SYN1: variants seen among roughly 807,000 people sequenced by gnomAD.
The protein encoded by SYN1 is synapsin I, also known as synapsin-1.
A neutral mutation model predicts 44.6 loss-of-function variants in SYN1; 8 were observed. The observed-to-expected ratio is 0.18, with a 90% CI of 0.11 to 0.32. The LOEUF is 0.32. Ranked by LOEUF, SYN1 falls within the 10% of genes least tolerant of loss-of-function variation. The pLI is 1.00. For missense variants in SYN1, 451 were observed against 639.4 expected (o/e 0.71, Z 3.18); for synonymous variants, 275 against 280.1 (o/e 0.98, Z 0.18).
chrX:47,588,024 C>T (rs2057833460), intron 5 of SYN1, among the ~76,000 whole-genome samples: 1 of 112,297 alleles, frequency 8.9e-6, no homozygotes, highest in South Asian at 3.7e-4. Flanking sequence ...CCTGGATCTT[C>T]TGTGGTCCTG....
At chrX:47,580,253 G>A (rs1237661906) in intron 5 of SYN1, among the ~76,000 whole-genome samples, 6 of 105,200 alleles carry the variant, frequency 5.7e-5, no homozygotes, top group African/African-American at 1.7e-4. Context: ...GAACTCCTGA[G>A]CTCAAGCGAT....
rs886476190 is a variant in SYN1 at position 47,606,828 on chromosome X, C to T, written c.527+117G>A. The T allele has an allele frequency of 2.4e-5, 18 of 738,452 alleles. No individual in the cohort carries two copies. In the African/African-American group the frequency reaches 2.6e-4, roughly 11 times the overall value. 60.9% of individuals were successfully genotyped at this position (738,452 alleles called of 1,213,427 possible). A position where few individuals can be genotyped will look rare whatever the true frequency, so the allele number is the denominator to read the frequency against. ...TGAAGAAAAGTTGTCTCCCCACATT[C>T]CATGCCTAAGTTCTTGCCCACAGAA... On this transcript the variant is annotated intron_variant, in intron 3 of 12. Coordinates refer to ENST00000295987, the MANE Select transcript of SYN1 (RefSeq NM_006950.3).
chrX:47,574,255 C>T lies in SYN1; in HGVS notation c.1729G>A (p.Ala577Thr). The T allele has an allele frequency of 9.1e-7, 1 of 1,103,898 alleles. No individual in the cohort carries two copies. Among genetic ancestry groups the T allele is most frequent in the South Asian group, 2.1e-5 (1 of 47,068 alleles). 91.0% of individuals were successfully genotyped at this position (1,103,898 alleles called of 1,213,427 possible). ...TSVSGPAPPK[A>T]SGAPPGGQQR... is the part of the protein sequence containing the mutation. ...TGCCCGCCCGGTGGGGCCCCAGAGGCCTTTGGCGGAGCCGGGCCAGAGACG... is the reference window on the plus strand; with the variant it reads ...TGCCCGCCCGGTGGGGCCCCAGAGGTCTTTGGCGGAGCCGGGCCAGAGACG... The change falls in exon 12 of 13, where the codon GCC becomes ACC. Residue 577 changes from alanine to threonine, a missense_variant. Physicochemically the swap from Ala to Thr is moderately conservative, Grantham distance 58. Coordinates refer to ENST00000295987, the MANE Select transcript of SYN1 (RefSeq NM_006950.3).
chrX:47,591,407 C>A (rs892129688), intron 5 of SYN1, among the ~76,000 whole-genome samples: 1 of 111,949 alleles, frequency 8.9e-6, no homozygotes, highest in Admixed American at 9.5e-5. Flanking sequence ...GAGTTCTGAA[C>A]CTGCAGGACA....
intron 5 of SYN1, among the ~76,000 whole-genome samples, chrX:47,602,414 C>T (rs1341657298): frequency 8.9e-6 from 1 of 111,932 alleles, no homozygotes; most frequent in Non-Finnish European, 1.9e-5. Flanking sequence ...AATCCCAGCA[C>T]TTTGGGAGGC....
At position 47,585,086 on chromosome X, in the gene SYN1, G is replaced by A. The variant is rs925372182; in HGVS notation, c.775-7585C>T. ...CTCCTGGTCAAAACAGAAACTTCTG[G>A]CCACTGGTTGGTGCGAGAAAGTTGG... On this transcript the variant is annotated intron_variant, in intron 5 of 12. Transcript: ENST00000295987. The A allele has an allele frequency of 8.5e-6, 10 of 1,174,428 alleles. No homozygotes were observed. In the African/African-American group the frequency reaches 1.6e-4, roughly 19 times the overall value.
Position 47,583,635 on chromosome X carries a change from G to A in SYN1, c.775-6134C>T, listed in dbSNP as rs763663902. Reference sequence around the variant, plus strand: ...ACTTACCTCTAGAATGATTCCACTCGCCCCTGCACTTCCTCTGCTTTAGCC... The same window carrying A: ...ACTTACCTCTAGAATGATTCCACTCACCCCTGCACTTCCTCTGCTTTAGCC... On this transcript the variant is annotated intron_variant, in intron 5 of 12. Coordinates refer to ENST00000295987, the MANE Select transcript of SYN1 (RefSeq NM_006950.3). 4.2e-4 allele frequency: 398 copies of A among 954,758 alleles called. 1 individual carries two copies. The highest frequency in any genetic ancestry group is 1.8e-3 in the Admixed American group (57 of 31,156). The allele number at this position is 954,758 out of a possible 1,213,427, so 78.7% of individuals were successfully genotyped here.
intron 5 of SYN1, chrX:47,583,557 G>T: frequency 8.5e-7 from 1 of 1,169,959 alleles, no homozygotes. Context: ...ACCCCACTCA[G>T]CCCACACACT....
intron 5 of SYN1, chrX:47,586,748 A>G: frequency 8.6e-7 from 1 of 1,157,483 alleles, no homozygotes; most frequent in Non-Finnish European, 1.2e-6. Flanking sequence ...TCCCACTCCC[A>G]TCTTTCTTCC....
chrX:47,603,237 C>A (rs1357221174), intron 5 of SYN1, among the ~76,000 whole-genome samples: 1 of 110,996 alleles, frequency 9.0e-6, no homozygotes, highest in Non-Finnish European at 1.9e-5. Context: ...CACTCTGTTG[C>A]CCAGGTTGGG....
chrX:47,591,284 C>T (rs1044937500), intron 5 of SYN1, among the ~76,000 whole-genome samples: 1 of 112,629 alleles, frequency 8.9e-6, no homozygotes, highest in Non-Finnish European at 1.9e-5. Flanking sequence ...AGTTACAAAA[C>T]AGCCAGGAGG....
intron 5 of SYN1, among the ~76,000 whole-genome samples, chrX:47,592,602 A>G (rs772775451): frequency 3.6e-5 from 4 of 111,239 alleles, no homozygotes; most frequent in Non-Finnish European, 7.5e-5. Flanking sequence ...GAGAAGGTGA[A>G]CTGCCATTTT....
At chrX:47,585,756 T>C (rs1307524509) in intron 5 of SYN1, 1 of 1,175,671 alleles carries the variant, frequency 8.5e-7, no homozygotes, top group Admixed American at 2.5e-5. Flanking sequence ...CCTCTGGCTA[T>C]TCTGTGTCCC....
At chrX:47,580,932 C>CAA (rs34026683) in intron 5 of SYN1, among the ~76,000 whole-genome samples, 175 of 95,706 alleles carry the variant, frequency 1.8e-3, no homozygotes, top group East Asian at 4.4e-3. Flanking sequence ...AGACTCTTGT[C>CAA]AAAAAAAAAA....
chrX:47,615,180 A>C (rs777654521), intron 1 of SYN1, among the ~76,000 whole-genome samples: 1 of 112,207 alleles, frequency 8.9e-6, no homozygotes, highest in Admixed American at 9.4e-5. Flanking sequence ...CAAATATGAG[A>C]ATATAGAATG....
intron 5 of SYN1, among the ~76,000 whole-genome samples, chrX:47,599,652 G>A (rs2057874029): frequency 8.9e-6 from 1 of 112,321 alleles, no homozygotes; most frequent in Non-Finnish European, 1.9e-5. Flanking sequence ...GATGTCTTTT[G>A]TTTCCAAAGT....
intron 1 of SYN1, among the ~76,000 whole-genome samples, chrX:47,610,458 G>C (rs993417034): frequency 8.6e-5 from 9 of 105,209 alleles, no homozygotes; most frequent in African/African-American, 3.2e-4. Flanking sequence ...CCCCCTCAGA[G>C]TCTACCCCCC....
chrX:47,607,441 G>A (rs2057901273), intron 1 of SYN1, among the ~76,000 whole-genome samples: 1 of 111,895 alleles, frequency 8.9e-6, no homozygotes, highest in South Asian at 3.7e-4. Flanking sequence ...ACTGCAGAGA[G>A]CAGGTATTTC....
intron 6 of SYN1, 61 bp from the exon 7 acceptor site, chrX:47,576,701 G>A (rs2057778833): frequency 8.4e-7 from 1 of 1,189,680 alleles, no homozygotes; most frequent in Non-Finnish European, 1.1e-6. Flanking sequence ...GGGGAGTGGG[G>A]GTGCCTGGGG....
Sources: gnomAD v4.1 joint callset for allele counts (sites outside exome capture counted in the v4.1 genomes callset) on GRCh38, gnomAD v4.1.1 for gene constraint, MANE v1.5 for transcripts, NCBI Gene and HGNC (gene_info 2026-07-23, HGNC 2026-07-21) for gene names.